The following SH3RF2 variants were observed in gnomAD, a reference collection of about 807,000 sequenced individuals.
SH3RF2 encodes E3 ubiquitin-protein ligase SH3RF2.
A neutral mutation model predicts 59.0 loss-of-function variants in SH3RF2; 43 were observed. The ratio of observed to expected loss-of-function variants is 0.73; its 90% CI spans 0.57 to 0.94. The LOEUF (loss-of-function observed/expected upper bound fraction) is 0.94. Among genes scored for constraint, SH3RF2 ranks in the 40% least tolerant of loss-of-function variants. The probability of loss-of-function intolerance (pLI) is 0.00; values close to 1 mark genes in which losing one functional copy is unlikely to be tolerated. For synonymous variants in SH3RF2, 391 were observed against 391.5 expected, an observed-to-expected ratio of 1.00 and a Z score of 0.01; for missense variants, 930 against 940.1, an observed-to-expected ratio of 0.99 and a Z score of 0.14.
At chr5:146,049,044 C>T in intron 6 of SH3RF2, 31 bp from the exon 7 acceptor site, 3 of 1,613,436 alleles carry the variant, frequency 1.9e-6, no homozygotes, top group South Asian at 1.1e-5. Context: ...CGTCTTCCTT[C>T]CTCCCTCACC....
intron 2 of SH3RF2, among the ~76,000 whole-genome samples, chr5:145,957,335 C>A (rs2149951026): frequency 6.6e-6 from 1 of 152,152 alleles, no homozygotes; most frequent in Non-Finnish European, 1.5e-5. Context: ...AGTAGAAGAC[C>A]AATTCTGGTC....
At chr5:146,005,305 T>A (rs557584860) in intron 4 of SH3RF2, among the ~76,000 whole-genome samples, 1 of 152,336 alleles carries the variant, frequency 6.6e-6, no homozygotes, top group South Asian at 2.1e-4. Context: ...GGTTTCATTG[T>A]TTAGCTGCAT....
chr5:146,040,657 T>G (rs1762093900), intron 5 of SH3RF2, among the ~76,000 whole-genome samples: 1 of 152,146 alleles, frequency 6.6e-6, no homozygotes, highest in Non-Finnish European at 1.5e-5. Context: ...AAAGTATTTT[T>G]GAGATGAACC....
chr5:146,079,226 C>T (rs1047203808), exon 10 of SH3RF2: 1 of 152,072 alleles, frequency 6.6e-6, no homozygotes, highest in African/African-American at 2.4e-5. Context: ...ACCATGCATC[C>T]TTTATGTTCA....
At chr5:146,002,174 G>A (rs2895646) in intron 3 of SH3RF2, among the ~76,000 whole-genome samples, 85,604 of 152,000 alleles carry the variant, frequency 0.56, 24,748 homozygotes, top group South Asian at 0.79. Flanking sequence ...ATAACCTCCT[G>A]GCACGGTGGC....
intron 2 of SH3RF2, among the ~76,000 whole-genome samples, chr5:145,972,001 T>G (rs1458687749): frequency 1.3e-5 from 2 of 152,288 alleles, no homozygotes; most frequent in African/African-American, 4.8e-5. Context: ...ATTGATGTTA[T>G]TATCATTCCC....
rs138522916 is a variant in SH3RF2 at position 146,000,131 on chromosome 5, T to G, written c.452T>G (p.Ile151Ser). ...PGDLRFNKGD[I>S]ILLRRQLDEN... The stretch of plus-strand genomic sequence containing the variant: ...GACCTAAGGTTTAATAAGGGAGATA[T>G]CATCCTTCTCCGGAGACAGCTTGAT... The change falls in exon 3 of 10, where the codon ATC (isoleucine) becomes AGC (serine). Residue 151 changes from isoleucine to serine, a missense_variant. Ile to Ser is a moderately radical substitution (Grantham distance 142). Transcript: ENST00000359120. 6 of 1,613,698 alleles carry G rather than the reference T, an allele frequency of 3.7e-6. No individual in the cohort carries two copies. Among genetic ancestry groups the G allele is most frequent in the Non-Finnish European group, 4.2e-6 (5 of 1,179,882 alleles).
At chr5:145,970,927 G>A (rs1178833730) in intron 2 of SH3RF2, among the ~76,000 whole-genome samples, 3 of 151,990 alleles carry the variant, frequency 2.0e-5, no homozygotes, top group African/African-American at 4.8e-5. Context: ...TATTCTCAAA[G>A]CAATTGAAAA....
chr5:146,049,439 C>T (rs1762416857), intron 7 of SH3RF2, among the ~76,000 whole-genome samples, 194 bp downstream of exon 7: 1 of 152,212 alleles, frequency 6.6e-6, no homozygotes, highest in African/African-American at 2.4e-5. Context: ...CCCTTCACAG[C>T]TTACAAGCAC....
chr5:146,060,125 A>G lies in SH3RF2; in HGVS notation c.1815A>G (p.Lys605=). 1.2e-6 allele frequency: 2 copies of G among 1,614,206 alleles called. No individual in the cohort carries two copies. The highest frequency in any genetic ancestry group is 8.5e-7 in the Non-Finnish European group (1 of 1,180,030). The change falls in exon 9 of 10, where the codon AAA becomes AAG. Residue 605 remains lysine (K), a synonymous_variant. Transcript: ENST00000359120. The stretch of plus-strand genomic sequence containing the variant: ...CCAGCTCCCTCATTATGGAAGACAA[A>G]GAAATCCCCATCAAGAGTGAGCCTC... The part of the protein sequence containing the change: ...SAASSLIMED[K]EIPIKSEPLP...
At chr5:145,994,123 C>T (rs1247202821) in intron 2 of SH3RF2, among the ~76,000 whole-genome samples, 1 of 152,216 alleles carries the variant, frequency 6.6e-6, no homozygotes, top group Admixed American at 6.5e-5. Flanking sequence ...CTGCCAGTCT[C>T]TTTGCTGAAA....
intron 9 of SH3RF2, among the ~76,000 whole-genome samples, chr5:146,069,187 C>A (rs1211672726): frequency 6.6e-6 from 1 of 152,202 alleles, no homozygotes; most frequent in African/African-American, 2.4e-5. Flanking sequence ...GGCTTCTGTG[C>A]CTGAGATTCT....
At chr5:146,066,891 C>T (rs2962532), downstream of SH3RF2, among the ~76,000 whole-genome samples, 144,258 of 152,132 alleles carry the variant, frequency 0.95, 68,886 homozygotes, top group East Asian at 1. Context: ...CCCTTTGCCC[C>T]GTGGTCAGAC....
At chr5:145,982,187 G>C (rs970142468) in intron 2 of SH3RF2, among the ~76,000 whole-genome samples, 3 of 152,182 alleles carry the variant, frequency 2.0e-5, no homozygotes, top group Non-Finnish European at 4.4e-5. Flanking sequence ...CCTCCTAGGA[G>C]GAAAATTGAG....
chr5:146,015,376 T>C (rs1246880172), intron 5 of SH3RF2, among the ~76,000 whole-genome samples: 1 of 152,192 alleles, frequency 6.6e-6, no homozygotes. Context: ...ACAGAAACTA[T>C]AAAACTTTCT....
At chr5:145,990,905 G>C (rs1235013361) in intron 2 of SH3RF2, among the ~76,000 whole-genome samples, 1 of 152,212 alleles carries the variant, frequency 6.6e-6, no homozygotes, top group Non-Finnish European at 1.5e-5. Flanking sequence ...ACAGGTGAGA[G>C]CTAATGTTGA....
intron 3 of SH3RF2, among the ~76,000 whole-genome samples, chr5:146,001,992 T>C (rs2149984681): frequency 6.6e-6 from 1 of 152,350 alleles, no homozygotes; most frequent in South Asian, 2.1e-4. Flanking sequence ...TGTAATTTAT[T>C]CAACGTCATG....
At chr5:145,978,764 T>C (rs892894572) in intron 2 of SH3RF2, among the ~76,000 whole-genome samples, 9 of 152,056 alleles carry the variant, frequency 5.9e-5, no homozygotes, top group African/African-American at 1.9e-4. Flanking sequence ...CTCATAATAA[T>C]CCTACATCAA....
rs747968561 is a variant in SH3RF2, at chr5:146,032,889, C to T, written c.1060-14883C>T. Among the ~76,000 whole-genome samples, 72 of 152,128 alleles carry T rather than the reference C, an allele frequency of 4.7e-4. 2 individuals carry two copies. The highest frequency in any genetic ancestry group is 2.4e-5 in the African/African-American group (1 of 41,430). Reference sequence around the variant, plus strand: ...CTTCTCTGAGAATCCCAGCCCTCACCGACTCCTGCCCTCTAGAACCTTCCA... The same window carrying T: ...CTTCTCTGAGAATCCCAGCCCTCACTGACTCCTGCCCTCTAGAACCTTCCA... On this transcript the variant is annotated intron_variant, in intron 5 of 9. Transcript: ENST00000359120.
Sources: gnomAD v4.1 joint callset for allele counts (sites outside exome capture counted in the v4.1 genomes callset) on GRCh38, gnomAD v4.1.1 for gene constraint, MANE v1.5 for transcripts, NCBI Gene and HGNC (gene_info 2026-07-23, HGNC 2026-07-21) for gene names.